The following EPHB1 variants were observed in gnomAD, a reference collection of about 807,000 sequenced individuals.
The protein encoded by EPHB1 is EPH receptor B1.
EPHB1 carries 30 observed loss-of-function variants against 94.4 expected under a neutral mutation model. The ratio of observed to expected loss-of-function variants is 0.32; its 90% CI spans 0.24 to 0.43. The LOEUF is 0.43. EPHB1 is among the 20% of genes least tolerant of loss of function. The probability of loss-of-function intolerance (pLI) is 1.00; values close to 1 mark genes in which losing one functional copy is unlikely to be tolerated. For missense variants in EPHB1, 1,055 were observed against 1,308.3 expected, an observed-to-expected ratio of 0.81 and a Z score of 2.99; for synonymous variants, 522 against 489.1, an observed-to-expected ratio of 1.07 and a Z score of -0.89.
intron 11 of EPHB1, 146 bp downstream of exon 11, chr3:135,192,969 C>A (rs1942498655): frequency 8.4e-7 from 1 of 1,190,946 alleles, no homozygotes; most frequent in Admixed American, 2.7e-5. Flanking sequence ...AGATTTGTTG[C>A]TAAAAGAAGA....
chr3:135,113,258 C>T (rs1470850362), intron 4 of EPHB1, among the ~76,000 whole-genome samples: 1 of 152,244 alleles, frequency 6.6e-6, no homozygotes, highest in Non-Finnish European at 1.5e-5. Flanking sequence ...GTCACTGCCA[C>T]ATCAGGAAGG....
In EPHB1 at chr3:134,952,069, C is replaced by T. The variant is rs1390691125; in HGVS notation, c.805+17C>T. The T allele has an allele frequency of 1.9e-6, 3 of 1,575,010 alleles. No homozygotes were observed. Among genetic ancestry groups the T allele is most frequent in the Non-Finnish European group, 2.6e-6 (3 of 1,156,888 alleles). Reference sequence around the variant, plus strand: ...CATGCAAGGGTAAGCTTTGGAGCCTCTGCTTCCTGCCCATCTATGGCAGGG... The same window carrying T: ...CATGCAAGGGTAAGCTTTGGAGCCTTTGCTTCCTGCCCATCTATGGCAGGG... On this transcript the variant is annotated intron_variant, in intron 3 of 15. Coordinates refer to ENST00000398015, the MANE Select transcript of EPHB1 (RefSeq NM_004441.5).
At chr3:135,243,285 C>T (rs1383585331) in intron 13 of EPHB1, among the ~76,000 whole-genome samples, 7 of 152,122 alleles carry the variant, frequency 4.6e-5, no homozygotes, top group African/African-American at 1.4e-4. Context: ...CCAAGTTATT[C>T]ATTTAACACA....
At chr3:135,060,671 G>C (rs1002923500) in intron 3 of EPHB1, among the ~76,000 whole-genome samples, 2 of 151,974 alleles carry the variant, frequency 1.3e-5, no homozygotes, top group Admixed American at 1.3e-4. Flanking sequence ...TACATAGTAG[G>C]TGTATTATTT....
At chr3:135,203,272 G>A (rs563804870) in intron 12 of EPHB1, among the ~76,000 whole-genome samples, 3 of 152,246 alleles carry the variant, frequency 2.0e-5, no homozygotes, top group Non-Finnish European at 4.4e-5. Context: ...GGGAGGGAGA[G>A]CATTAGGACA....
intron 2 of EPHB1, among the ~76,000 whole-genome samples, chr3:134,940,949 A>G (rs1374355969): frequency 1.3e-5 from 2 of 152,238 alleles, no homozygotes; most frequent in Non-Finnish European, 2.9e-5. Flanking sequence ...ACAAATCAGA[A>G]TAGCTGGGAT....
chr3:135,009,585 C>A (rs944629935), intron 3 of EPHB1, among the ~76,000 whole-genome samples: 1 of 152,194 alleles, frequency 6.6e-6, no homozygotes, highest in East Asian at 1.9e-4. Context: ...GCCTGAGGGC[C>A]CCCAGGCCCT....
chr3:135,053,071 TTAATA>T (rs1450394198), intron 3 of EPHB1, among the ~76,000 whole-genome samples: 41 of 131,532 alleles, frequency 3.1e-4, no homozygotes, highest in African/African-American at 1.1e-3. Flanking sequence ...GGTGTGTTGG[TTAATA>T]TAATGTGTCA....
chr3:134,837,959 T>C (rs1424027197), intron 1 of EPHB1, among the ~76,000 whole-genome samples: 2 of 152,086 alleles, frequency 1.3e-5, no homozygotes, highest in Non-Finnish European at 2.9e-5. Flanking sequence ...GAAGAGACAG[T>C]ACCTGGATGG....
intron 3 of EPHB1, among the ~76,000 whole-genome samples, chr3:135,022,279 T>C (rs760053020): frequency 6.6e-5 from 10 of 152,230 alleles, no homozygotes; most frequent in Non-Finnish European, 1.0e-4. Flanking sequence ...CTGTTGTGTT[T>C]GTTTTACAGT....
chr3:134,911,858 C>T lies in EPHB1; in HGVS notation c.59-13958C>T, dbSNP rs144294962. Among the ~76,000 whole-genome samples the T allele has an allele frequency of 2.6e-5, 4 of 152,288 alleles. No homozygotes were observed. The East Asian group carries it at 7.7e-4, about 29-fold the overall frequency. ...CCTGACTGGTTGCCCCTCACTGGCA[C>T]GTCCCCAAGCCCCCCACAGCCATCC... On this transcript the variant is annotated intron_variant, in intron 1 of 15. Transcript: ENST00000398015.
chr3:135,131,240 A>G (rs1263932436), intron 4 of EPHB1, among the ~76,000 whole-genome samples: 1 of 151,758 alleles, frequency 6.6e-6, no homozygotes, highest in African/African-American at 2.4e-5. Flanking sequence ...TTTATATGGT[A>G]CAGTACTGAT....
chr3:135,251,226 C>CAGCAA (rs1933076283), intron 15 of EPHB1, among the ~76,000 whole-genome samples: 1 of 152,114 alleles, frequency 6.6e-6, no homozygotes, highest in Non-Finnish European at 1.5e-5. Context: ...GTCAAATAGA[C>CAGCAA]AGCAAAAATA....
chr3:134,825,160 T>C (rs1346126426), intron 1 of EPHB1, among the ~76,000 whole-genome samples: 2 of 152,234 alleles, frequency 1.3e-5, no homozygotes, highest in Non-Finnish European at 2.9e-5. Context: ...TCCTGGCATG[T>C]GACTGAAGAC....
At chr3:134,885,805 C>T (rs907435708) in intron 1 of EPHB1, among the ~76,000 whole-genome samples, 2 of 152,154 alleles carry the variant, frequency 1.3e-5, no homozygotes, top group African/African-American at 2.4e-5. Context: ...GGAACCCCTT[C>T]AAGGAAGGCT....
At chr3:134,998,831 A>G (rs1033488762) in intron 3 of EPHB1, among the ~76,000 whole-genome samples, 4 of 152,334 alleles carry the variant, frequency 2.6e-5, no homozygotes, top group African/African-American at 4.8e-5. Flanking sequence ...TTTAAAATTT[A>G]TACTGGGATG....
At chr3:135,212,406 A>ATTGGAT (rs1943051534) in intron 12 of EPHB1, among the ~76,000 whole-genome samples, 2 of 152,106 alleles carry the variant, frequency 1.3e-5, no homozygotes, top group Admixed American at 1.3e-4. Context: ...TGATGTGGTG[A>ATTGGAT]TTGGATTCTG....
intron 1 of EPHB1, among the ~76,000 whole-genome samples, chr3:134,830,215 CAT>C (rs1421699077): frequency 6.6e-6 from 1 of 152,194 alleles, no homozygotes; most frequent in Non-Finnish European, 1.5e-5. Flanking sequence ...AAGTTGCAGA[CAT>C]ATGCCCATTT....
rs534893687 is a variant in EPHB1, at chr3:135,005,663, C to T, written c.805+53611C>T. The stretch of plus-strand genomic sequence containing the variant: ...AGGTGCGGGATATAATCTCCTGGTG[C>T]GCTGTTTTTTAAGCCCGTCGGAAAA... On this transcript the variant is annotated intron_variant, in intron 3 of 15. Transcript: ENST00000398015. 2.0e-4 allele frequency among the ~76,000 whole-genome samples: 31 copies of T among 152,342 alleles called. 1 individual carries two copies. The highest frequency in any genetic ancestry group is 1.7e-3 in the East Asian group (9 of 5,178).
Sources: gnomAD v4.1 joint callset for allele counts (sites outside exome capture counted in the v4.1 genomes callset) on GRCh38, gnomAD v4.1.1 for gene constraint, MANE v1.5 for transcripts, NCBI Gene and HGNC (gene_info 2026-07-23, HGNC 2026-07-21) for gene names.